The following TMEM132D variants were observed in gnomAD, a reference collection of about 807,000 sequenced individuals.
TMEM132D encodes the protein mature OL transmembrane protein.
A neutral mutation model predicts 62.3 loss-of-function variants in TMEM132D; 21 were observed. The observed-to-expected ratio is 0.34, with a 90% CI of 0.24 to 0.49. TMEM132D has a LOEUF of 0.49. TMEM132D is among the 20% of genes least tolerant of loss of function. The pLI is 0.99. For synonymous variants in TMEM132D, 621 were observed against 575.6 expected (o/e 1.08, Z -1.13); for missense variants, 1,346 against 1,402.8 (o/e 0.96, Z 0.65).
chr12:129,132,554 T>A (rs918431031), intron 5 of TMEM132D, among the ~76,000 whole-genome samples: 2 of 152,178 alleles, frequency 1.3e-5, no homozygotes, highest in African/African-American at 4.8e-5. Flanking sequence ...CAGAAGGTAT[T>A]TGTTTTAAAG....
chr12:129,301,718 C>T (rs553551733), intron 4 of TMEM132D, among the ~76,000 whole-genome samples: 2 of 152,246 alleles, frequency 1.3e-5, no homozygotes, highest in East Asian at 1.9e-4. Flanking sequence ...ATTAAAGCCA[C>T]CCTCCTCCCC....
chr12:129,160,305 G>A (rs1877365605), intron 5 of TMEM132D, among the ~76,000 whole-genome samples: 1 of 152,214 alleles, frequency 6.6e-6, no homozygotes, highest in African/African-American at 2.4e-5. Context: ...TAGTTGGCTT[G>A]GGAAGTGGCA....
intron 3 of TMEM132D, among the ~76,000 whole-genome samples, chr12:129,370,665 T>A (rs2135680532): frequency 6.6e-6 from 1 of 152,344 alleles, no homozygotes; most frequent in African/African-American, 2.4e-5. Context: ...GATAAACAGA[T>A]GTGGTTTATA....
chr12:129,592,829 A>C (rs1243759560), intron 2 of TMEM132D, among the ~76,000 whole-genome samples: 1 of 151,670 alleles, frequency 6.6e-6, no homozygotes, highest in Non-Finnish European at 1.5e-5. Context: ...ATGCAGACAA[A>C]GGACACAGCT....
At chr12:129,393,370 G>T (rs976363095) in intron 3 of TMEM132D, among the ~76,000 whole-genome samples, 2 of 152,178 alleles carry the variant, frequency 1.3e-5, no homozygotes, top group African/African-American at 4.8e-5. Context: ...TCTTTTCTGG[G>T]GGGCAACTGG....
chr12:129,253,180 G>T (rs1251420032), intron 4 of TMEM132D, among the ~76,000 whole-genome samples: 2 of 148,474 alleles, frequency 1.3e-5, no homozygotes, highest in East Asian at 2.0e-4. Flanking sequence ...ACCCTAAAAC[G>T]TAAAGTAAAA....
intron 5 of TMEM132D, among the ~76,000 whole-genome samples, chr12:129,091,750 G>A (rs11060128): frequency 0.03 from 4,604 of 152,304 alleles, 288 homozygotes; most frequent in East Asian, 0.16. Flanking sequence ...GTGAGCTTAA[G>A]AAGACACAAG....
chr12:129,261,484 C>T (rs1242052937), intron 4 of TMEM132D, among the ~76,000 whole-genome samples: 1 of 152,152 alleles, frequency 6.6e-6, no homozygotes, highest in Non-Finnish European at 1.5e-5. Context: ...GAGGCCTCCC[C>T]AGCCATGTGG....
chr12:129,161,398 T>C (rs1203348413), intron 5 of TMEM132D, among the ~76,000 whole-genome samples: 2 of 152,224 alleles, frequency 1.3e-5, no homozygotes, highest in Non-Finnish European at 2.9e-5. Flanking sequence ...TCCAGTGAAC[T>C]GAGCTTTCCA....
At chr12:129,085,738 C>T (rs554464248) in intron 5 of TMEM132D, 1 of 152,320 alleles carries the variant, frequency 6.6e-6, no homozygotes, top group South Asian at 2.1e-4. Flanking sequence ...AGGATTTAGC[C>T]CCAGAAGTCT....
chr12:129,328,068 T>A (rs1264390297), intron 4 of TMEM132D, among the ~76,000 whole-genome samples: 1 of 152,178 alleles, frequency 6.6e-6, no homozygotes, highest in Non-Finnish European at 1.5e-5. Flanking sequence ...CCAGCTCCTT[T>A]CACAACTTCC....
rs1045334289 is a variant in TMEM132D at position 129,766,427 on chromosome 12, A to G, written c.80-65729T>C. 2.0e-5 allele frequency among the ~76,000 whole-genome samples: 3 copies of G among 152,164 alleles called. No homozygotes were observed. In the East Asian group the frequency reaches 5.8e-4, roughly 29 times the overall value. ...ATTTACTATCTTCCTCATTTCTTGC[A>G]TAGTCTAATAGTGTTAAGTACTGAA... is the stretch of plus-strand genomic sequence containing the variant. On this transcript the variant is annotated intron_variant, in intron 1 of 8. Transcript: ENST00000422113.
At chr12:129,698,196 C>T (rs1441940093) in intron 2 of TMEM132D, 1 of 151,982 alleles carries the variant, frequency 6.6e-6, no homozygotes, top group Non-Finnish European at 1.5e-5. Context: ...CATTGAGGAC[C>T]TGTGGCCAGC....
intron 5 of TMEM132D, among the ~76,000 whole-genome samples, chr12:129,117,733 G>T (rs1316953515): frequency 6.6e-6 from 1 of 152,152 alleles, no homozygotes; most frequent in Non-Finnish European, 1.5e-5. Flanking sequence ...GTGGAAGGAA[G>T]TATACTAATA....
chr12:129,172,367 T>C (rs1877758883), intron 5 of TMEM132D, among the ~76,000 whole-genome samples: 2 of 152,374 alleles, frequency 1.3e-5, no homozygotes, highest in Admixed American at 6.5e-5. Flanking sequence ...TTATCATTTG[T>C]GTGTTCACTG....
chr12:129,136,194 CAG>C (rs936404324), intron 5 of TMEM132D, among the ~76,000 whole-genome samples: 9 of 152,132 alleles, frequency 5.9e-5, no homozygotes, highest in African/African-American at 1.9e-4. Flanking sequence ...AAATATAGAA[CAG>C]AGAGTTCCTA....
At chr12:129,727,047 A>G (rs11060518) in intron 1 of TMEM132D, among the ~76,000 whole-genome samples, 21,877 of 152,214 alleles carry the variant, frequency 0.14, 1,734 homozygotes, top group South Asian at 0.25. Flanking sequence ...AAATTCCCAG[A>G]TGATTCTAAA....
intron 2 of TMEM132D, among the ~76,000 whole-genome samples, chr12:129,682,451 A>C (rs1310062356): frequency 6.6e-6 from 1 of 152,084 alleles, no homozygotes; most frequent in Non-Finnish European, 1.5e-5. Flanking sequence ...CTTCCTCATA[A>C]ACCCCATGTG....
At chr12:129,197,702 G>A (rs888760310) in intron 5 of TMEM132D, among the ~76,000 whole-genome samples, 5 of 152,152 alleles carry the variant, frequency 3.3e-5, no homozygotes, top group Non-Finnish European at 7.4e-5. Flanking sequence ...GAAAACACAG[G>A]GGAAACACTG....
Sources: gnomAD v4.1 joint callset for allele counts (sites outside exome capture counted in the v4.1 genomes callset) on GRCh38, gnomAD v4.1.1 for gene constraint, MANE v1.5 for transcripts, NCBI Gene and HGNC (gene_info 2026-07-23, HGNC 2026-07-21) for gene names.